The following SLC9C1 variants were observed in gnomAD, a reference collection of about 807,000 sequenced individuals.
SLC9C1 encodes the protein solute carrier family 9 member C1.
Under a neutral mutation model 140.9 loss-of-function variants are expected in SLC9C1, and 97 were observed. The ratio of observed to expected loss-of-function variants is 0.69; its 90% CI spans 0.58 to 0.82. SLC9C1 has a LOEUF of 0.82. Among genes scored for constraint, SLC9C1 ranks in the 40% least tolerant of loss-of-function variants. The pLI, the probability that SLC9C1 is intolerant of heterozygous loss-of-function variation, is 0.00. For synonymous variants in SLC9C1, 440 were observed against 442.6 expected, an observed-to-expected ratio of 0.99 and a Z score of 0.07; for missense variants, 1,340 against 1,389.3, an observed-to-expected ratio of 0.96 and a Z score of 0.56.
intron 1 of SLC9C1, among the ~76,000 whole-genome samples, chr3:112,288,142 A>G (rs892105660): frequency 4.0e-5 from 6 of 151,746 alleles, no homozygotes; most frequent in Non-Finnish European, 8.8e-5. Flanking sequence ...ACGCACACAC[A>G]CACATCATAT....
Position 112,208,173 on chromosome 3 carries a change from A to G in SLC9C1, c.1986+5T>C. On this transcript the variant is annotated splice_donor_5th_base_variant and intron_variant, in intron 16 of 28. Transcript: ENST00000305815. The stretch of plus-strand genomic sequence containing the variant: ...ACTTCCATACACACATAAATTTTAG[A>G]TTACCTTAAGTAGTGCCTCTAGAAT... The G allele has an allele frequency of 6.3e-7, 1 of 1,579,404 alleles. No homozygotes were observed. The highest frequency in any genetic ancestry group is 8.6e-7 in the Non-Finnish European group (1 of 1,166,038).
chr3:112,141,814 A>G (rs1001673619), intron 28 of SLC9C1, among the ~76,000 whole-genome samples: 3 of 152,216 alleles, frequency 2.0e-5, no homozygotes, highest in Admixed American at 1.3e-4. Context: ...CATCCTTCTA[A>G]TTCCATAATT....
intron 11 of SLC9C1, among the ~76,000 whole-genome samples, 164 bp downstream of exon 11, chr3:112,243,831 C>T (rs1245787928): frequency 2.0e-5 from 3 of 152,006 alleles, no homozygotes; most frequent in African/African-American, 4.8e-5. Flanking sequence ...GCTAGGACAA[C>T]AGGTGTGCAC....
At chr3:112,239,162 G>A (rs1471759595) in intron 12 of SLC9C1, among the ~76,000 whole-genome samples, 1 of 152,146 alleles carries the variant, frequency 6.6e-6, no homozygotes, top group East Asian at 1.9e-4. Flanking sequence ...AATGGTAGGC[G>A]CCCCTCCCCA....
intron 5 of SLC9C1, among the ~76,000 whole-genome samples, chr3:112,275,280 C>A (rs1397994556): frequency 6.6e-6 from 1 of 152,018 alleles, no homozygotes; most frequent in Admixed American, 6.6e-5. Flanking sequence ...ATTTTTAATT[C>A]AGTGAGTTGT....
intron 8 of SLC9C1, 29 bp from the exon 9 acceptor site, chr3:112,264,372 T>C (rs756817597): frequency 5.0e-5 from 63 of 1,256,764 alleles, no homozygotes; most frequent in Non-Finnish European, 6.0e-5. Flanking sequence ...ATTAAAAATA[T>C]TTATAATTAA....
chr3:112,243,794 G>A (rs910542307), intron 11 of SLC9C1, among the ~76,000 whole-genome samples: 2 of 151,550 alleles, frequency 1.3e-5, no homozygotes, highest in African/African-American at 4.9e-5. Context: ...GGGTTCCAGC[G>A]ATCCTCCCCA....
At chr3:112,221,836 G>A (rs997097670) in intron 13 of SLC9C1, among the ~76,000 whole-genome samples, 1 of 152,120 alleles carries the variant, frequency 6.6e-6, no homozygotes, top group Admixed American at 6.6e-5. Flanking sequence ...TGATGATATG[G>A]AAACCAGTAT....
At chr3:112,226,394 G>A (rs868061242) in intron 13 of SLC9C1, among the ~76,000 whole-genome samples, 1 of 152,074 alleles carries the variant, frequency 6.6e-6, no homozygotes, top group Admixed American at 6.6e-5. Flanking sequence ...TGCACTAAGA[G>A]GGAAATTTAT....
chr3:112,252,322 AC>A (rs1352345092), intron 10 of SLC9C1, among the ~76,000 whole-genome samples: 1 of 152,058 alleles, frequency 6.6e-6, no homozygotes, highest in Admixed American at 6.6e-5. Flanking sequence ...GAATTTCCTG[AC>A]CACAGTCTAT....
intron 12 of SLC9C1, among the ~76,000 whole-genome samples, chr3:112,239,613 A>G (rs7627314): frequency 0.32 from 48,889 of 152,092 alleles, 8,002 homozygotes; most frequent in Middle Eastern, 0.4. Context: ...CCCAAAACAT[A>G]TATTTTAAAC....
Position 112,204,374 on chromosome 3 carries a change from T to C in SLC9C1, c.2016A>G (p.Ser672=), listed in dbSNP as rs2077987560. Residue 672 remains serine, a synonymous_variant, in exon 17 of 29, where the codon TCA becomes TCG. Coordinates refer to ENST00000305815, the MANE Select transcript of SLC9C1 (RefSeq NM_183061.3). ...CTAACTCGAATATGTTCCAGGCATG[T>C]GAAAAAAAGTCCTTCCTCATTGCTG... The part of the protein sequence containing the change: ...KIAAMRKDFF[S]HAWNIFELAI... 1.4e-5 allele frequency: 22 copies of C among 1,569,434 alleles called. No homozygotes were observed. Among genetic ancestry groups the C allele is most frequent in the Non-Finnish European group, 1.7e-5 (20 of 1,165,290 alleles).
At chr3:112,157,681 CCTT>C (rs1446740566) in intron 26 of SLC9C1, among the ~76,000 whole-genome samples, 4 of 151,434 alleles carry the variant, frequency 2.6e-5, no homozygotes, top group Non-Finnish European at 5.9e-5. Context: ...TTTTTGTGTT[CCTT>C]CTTTGATTTC....
intron 23 of SLC9C1, among the ~76,000 whole-genome samples, chr3:112,175,133 GGAGGACTTGCCCAGT>G (rs2077312142): frequency 6.6e-6 from 1 of 152,228 alleles, no homozygotes; most frequent in Non-Finnish European, 1.5e-5. Context: ...GCCCAGGCCT[GGAGGACTTGCCCAGT>G]GAGGAGATGT....
rs372356938 is a variant in SLC9C1, at chr3:112,195,305, A to T, written c.2523+4016T>A. Among the ~76,000 whole-genome samples, 6 of 152,240 alleles carry T rather than the reference A, an allele frequency of 3.9e-5. No individual in the cohort carries two copies. In the East Asian group the frequency reaches 1.2e-3, roughly 29 times the overall value. ...TATTTTGAGGTATTTTTTGTATATG[A>T]TGTTAGTTAAGGGTCCAACTTTATT... is the stretch of plus-strand genomic sequence containing the variant. On this transcript the variant is annotated intron_variant, in intron 20 of 28. Transcript: ENST00000305815.
chr3:112,228,847 G>A (rs1351336252), intron 13 of SLC9C1, among the ~76,000 whole-genome samples: 1 of 151,926 alleles, frequency 6.6e-6, no homozygotes, highest in Non-Finnish European at 1.5e-5. Context: ...ATCTTTCCCT[G>A]GCTAGAATAC....
intron 5 of SLC9C1, among the ~76,000 whole-genome samples, chr3:112,276,459 C>T (rs2080217894): frequency 6.6e-6 from 1 of 151,774 alleles, no homozygotes; most frequent in East Asian, 1.9e-4. Context: ...ATAAATCTTG[C>T]TTTGTCAACT....
At chr3:112,146,438 G>A (rs2074798181) in intron 28 of SLC9C1, among the ~76,000 whole-genome samples, 1 of 152,098 alleles carries the variant, frequency 6.6e-6, no homozygotes, top group South Asian at 2.1e-4. Context: ...AACTTTTGAG[G>A]TAGGCATTTA....
Position 112,231,356 on chromosome 3 carries a change from A to G in SLC9C1, c.1572+5T>C, listed in dbSNP as rs761875489. 6.8e-6 allele frequency: 11 copies of G among 1,612,698 alleles called. No homozygotes were observed. Among genetic ancestry groups the G allele is most frequent in the Admixed American group, 1.7e-5 (1 of 59,702 alleles). ...ACATAATTTCAAAAGAGAATAATAC[A>G]GTACTATTTGTGCTGACAAGAGACG... is the stretch of plus-strand genomic sequence containing the variant. On this transcript the variant is annotated splice_donor_5th_base_variant and intron_variant, in intron 13 of 28. Coordinates refer to ENST00000305815, the MANE Select transcript of SLC9C1 (RefSeq NM_183061.3).
Sources: gnomAD v4.1 joint callset for allele counts (sites outside exome capture counted in the v4.1 genomes callset) on GRCh38, gnomAD v4.1.1 for gene constraint, MANE v1.5 for transcripts, NCBI Gene and HGNC (gene_info 2026-07-23, HGNC 2026-07-21) for gene names.